NLRP14: variants seen among roughly 807,000 people sequenced by gnomAD.
NLRP14 encodes NACHT, LRR and PYD domains-containing protein 14.
Under a neutral mutation model 94.7 loss-of-function variants are expected in NLRP14, and 105 were observed. The observed-to-expected ratio is 1.11, with a 90% CI of 0.95 to 1.30. NLRP14 has a LOEUF of 1.30. Among genes scored for constraint, NLRP14 ranks in the 50% most tolerant of loss-of-function variants. The pLI is 0.00. For synonymous variants in NLRP14, 508 were observed against 459.9 expected (o/e 1.10, Z -1.34); for missense variants, 1,362 against 1,254.1 (o/e 1.09, Z -1.30).
At chr11:7,089,408 G>A in the NLRP14 span, 3 of 1,584,116 alleles carry the variant, frequency 1.9e-6, no homozygotes, top group Admixed American at 1.8e-5. Flanking sequence ...GGCGGGGCCC[G>A]CCGCCTCCCC....
intron 1 of NLRP14, among the ~76,000 whole-genome samples, chr11:7,034,647 G>T (rs961561241): frequency 6.6e-6 from 1 of 152,166 alleles, no homozygotes; most frequent in Non-Finnish European, 1.5e-5. Context: ...TTTAATTTCA[G>T]CATAGTTAAC....
chr11:7,064,824 T>C (rs893246781), intron 10 of NLRP14, among the ~76,000 whole-genome samples: 2 of 151,796 alleles, frequency 1.3e-5, no homozygotes, highest in African/African-American at 4.8e-5. Context: ...TATATACTCT[T>C]TTTTTTTCCA....
At chr11:7,086,766 A>G in the NLRP14 span, among the ~76,000 whole-genome samples, 4,702 of 152,200 alleles carry the variant, frequency 0.031, 135 homozygotes, top group East Asian at 0.13. Context: ...TATGGAAATA[A>G]AGGAAAATCT....
Position 7,049,701 on chromosome 11 carries a change from T to G in NLRP14, c.2154T>G (p.Cys718Trp). 1 of 1,613,054 alleles carries G rather than the reference T, an allele frequency of 6.2e-7. No individual in the cohort carries two copies. Among genetic ancestry groups the G allele is most frequent in the Non-Finnish European group, 8.5e-7 (1 of 1,179,068 alleles). Residue 718 changes from cysteine to tryptophan, a missense_variant, in exon 6 of 12, where the codon TGT becomes TGG. Coordinates refer to ENST00000299481, the MANE Select transcript of NLRP14 (RefSeq NM_176822.4). ...AATTTATCACTTTCCCTGATGGTTG[T>G]CAGGATATCTCTACTTCTTTGATTC... ...LLKFITFPDG[C>W]QDISTSLIHN...
intron 10 of NLRP14, among the ~76,000 whole-genome samples, chr11:7,064,556 G>T (rs1203112117): frequency 6.6e-6 from 1 of 152,008 alleles, no homozygotes; most frequent in East Asian, 1.9e-4. Flanking sequence ...AAATCAGTTT[G>T]TGCCATCCCA....
chr11:7,048,960 A>C (rs537552434), intron 5 of NLRP14, among the ~76,000 whole-genome samples: 1 of 151,882 alleles, frequency 6.6e-6, no homozygotes, highest in East Asian at 1.9e-4. Flanking sequence ...TTAGTGCTAT[A>C]AATGGGTAAA....
Position 7,020,543 on chromosome 11 carries a change from G to C in NLRP14, c.-249G>C, listed in dbSNP as rs1007908290. ...AGGCGAGGACGCACCAGCATTAATG[G>C]AATAGGAGAACTCCCGAAGCTTTTA... On this transcript the variant is annotated 5_prime_UTR_variant, in exon 1 of 12. Transcript: ENST00000299481. 5.3e-5 allele frequency: 8 copies of C among 152,294 alleles called. No homozygotes were observed. Among genetic ancestry groups the C allele is most frequent in the Non-Finnish European group, 1.2e-4 (8 of 68,086 alleles). The allele number at this position is 152,294 out of a possible 1,614,324, so 9.4% of individuals were successfully genotyped here.
At chr11:7,089,842 G>A in the NLRP14 span, 1 of 1,611,362 alleles carries the variant, frequency 6.2e-7, no homozygotes, top group South Asian at 1.1e-5. Context: ...TACACCCACC[G>A]CGATTACGGC....
At chr11:7,090,050 G>A in the NLRP14 span, 1 of 1,612,990 alleles carries the variant, frequency 6.2e-7, no homozygotes, top group South Asian at 1.1e-5. Context: ...GCTACGAGGA[G>A]TACCGGGGCT....
chr11:7,058,429 A>T lies in NLRP14; in HGVS notation c.2612A>T (p.Gln871Leu), dbSNP rs1443664091. ...ATGAGTGATGCCCTGCAACATGCAC[A>T]ATGTACTCTGAAGAGCCTTGTGTAA... ...KLMSDALQHA[Q>L]CTLKSLVLRR... The change falls in exon 8 of 12, where the codon CAA becomes CTA. Residue 871 changes from glutamine to leucine, a missense_variant. Physicochemically the swap from Gln to Leu is moderately radical, Grantham distance 113. Coordinates refer to ENST00000299481, the MANE Select transcript of NLRP14 (RefSeq NM_176822.4). The T allele has an allele frequency of 6.2e-7, 1 of 1,612,356 alleles. No homozygotes were observed. The highest frequency in any genetic ancestry group is 1.1e-5 in the South Asian group (1 of 91,046).
intron 4 of NLRP14, 115 bp downstream of exon 4, chr11:7,044,099 T>G (rs749052243): frequency 4.9e-6 from 5 of 1,015,144 alleles, no homozygotes; most frequent in Non-Finnish European, 7.6e-6. Context: ...CCTCTGGAGT[T>G]GTCCCATCTT....
chr11:7,088,958 A>T, the NLRP14 span: 1 of 772,828 alleles, frequency 1.3e-6, no homozygotes, highest in Non-Finnish European at 2.1e-6. Context: ...CACAGGCAGC[A>T]GGGGCGCGCC....
At chr11:7,078,437 CAAAAAAAAAAA>C in the NLRP14 span, among the ~76,000 whole-genome samples, 2 of 15,360 alleles carry the variant, frequency 1.3e-4, no homozygotes, top group Non-Finnish European at 1.3e-4. Flanking sequence ...GACTCTGTCT[CAAAAAAAAAAA>C]AAAAAAAAAA....
At chr11:7,054,176 A>T (rs1421903339) in intron 6 of NLRP14, among the ~76,000 whole-genome samples, 1 of 152,162 alleles carries the variant, frequency 6.6e-6, no homozygotes, top group East Asian at 1.9e-4. Context: ...CAGTGTGTGT[A>T]TGTACCACAT....
At chr11:7,080,330 C>G in the NLRP14 span, among the ~76,000 whole-genome samples, 1 of 152,186 alleles carries the variant, frequency 6.6e-6, no homozygotes, top group Non-Finnish European at 1.5e-5. Flanking sequence ...AAATGATATA[C>G]TATCTATCCT....
At chr11:7,073,549 C>G (rs1427333300), downstream of NLRP14, among the ~76,000 whole-genome samples, 1 of 152,068 alleles carries the variant, frequency 6.6e-6, no homozygotes, top group Admixed American at 6.5e-5. Context: ...CAAGACTCTC[C>G]CCTATTTGAA....
intron 1 of NLRP14, among the ~76,000 whole-genome samples, chr11:7,034,019 A>C (rs1589857899): frequency 6.6e-6 from 1 of 152,294 alleles, no homozygotes; most frequent in African/African-American, 2.4e-5. Flanking sequence ...CTCACTAAAA[A>C]GTTTCTCCAC....
intron 1 of NLRP14, among the ~76,000 whole-genome samples, chr11:7,031,834 G>T (rs1255272980): frequency 6.6e-6 from 1 of 152,190 alleles, no homozygotes; most frequent in Non-Finnish European, 1.5e-5. Flanking sequence ...TGGTGCTCCA[G>T]GTTATCAGTA....
intron 1 of NLRP14, among the ~76,000 whole-genome samples, chr11:7,033,223 A>G (rs1589857605): frequency 6.6e-6 from 1 of 152,214 alleles, no homozygotes; most frequent in South Asian, 2.1e-4. Context: ...TAGTTATTGT[A>G]TATCTCCTGG....
Sources: gnomAD v4.1 joint callset for allele counts (sites outside exome capture counted in the v4.1 genomes callset) on GRCh38, gnomAD v4.1.1 for gene constraint, MANE v1.5 for transcripts, NCBI Gene and HGNC (gene_info 2026-07-23, HGNC 2026-07-21) for gene names.